ZFPM1: variants seen among roughly 807,000 people sequenced by gnomAD.
The protein encoded by ZFPM1 is zinc finger protein, FOG family member 1.
In ZFPM1, 28 loss-of-function variants were observed where a neutral mutation model predicts 46.3. The observed-to-expected ratio is 0.60, with a 90% CI of 0.45 to 0.83. The LOEUF is 0.83. Ranked by LOEUF, ZFPM1 falls within the 40% of genes least tolerant of loss-of-function variation. The pLI, the probability that ZFPM1 is intolerant of heterozygous loss-of-function variation, is 0.00. For missense variants in ZFPM1, 1,878 were observed against 1,432.4 expected (o/e 1.31, Z -5.02); for synonymous variants, 957 against 675.9 (o/e 1.42, Z -6.45).
At chr16:88,479,259 G>A (rs1908819004) in intron 1 of ZFPM1, among the ~76,000 whole-genome samples, 1 of 152,172 alleles carries the variant, frequency 6.6e-6, no homozygotes, top group Non-Finnish European at 1.5e-5. Flanking sequence ...GCGGGGCTGG[G>A]CTGCTGCTAC....
At chr16:88,520,192 GTGGGTAGA>G (rs200435047) in intron 4 of ZFPM1, among the ~76,000 whole-genome samples, 2,766 of 148,256 alleles carry the variant, frequency 0.019, 26 homozygotes, top group Non-Finnish European at 0.029. Flanking sequence ...GGGTGGATGG[GTGGGTAGA>G]TGGGTAGATG....
chr16:88,478,540 C>T (rs1197642702), intron 1 of ZFPM1, among the ~76,000 whole-genome samples: 1 of 152,278 alleles, frequency 6.6e-6, no homozygotes, highest in Non-Finnish European at 1.5e-5. Context: ...CGTCCTGCCT[C>T]CCGCAGGGCT....
At chr16:88,512,798 C>G (rs530674910) in intron 3 of ZFPM1, among the ~76,000 whole-genome samples, 3 of 152,102 alleles carry the variant, frequency 2.0e-5, no homozygotes. Flanking sequence ...TGCCCACCCC[C>G]GAGGCCTGGC....
chr16:88,511,491 C>T (rs1035069044), intron 3 of ZFPM1, among the ~76,000 whole-genome samples: 1 of 142,280 alleles, frequency 7.0e-6, no homozygotes, highest in Admixed American at 6.7e-5. Flanking sequence ...CTGCCCATTC[C>T]CACCCAGCTC....
chr16:88,474,079 C>G (rs1026748005), intron 1 of ZFPM1, among the ~76,000 whole-genome samples: 2 of 152,228 alleles, frequency 1.3e-5, no homozygotes, highest in African/African-American at 4.8e-5. Flanking sequence ...GTTGAGTAAG[C>G]GCAGGCCGCA....
At chr16:88,488,383 AAC>A (rs1215781319) in intron 2 of ZFPM1, among the ~76,000 whole-genome samples, 7 of 152,236 alleles carry the variant, frequency 4.6e-5, no homozygotes, top group Non-Finnish European at 1.0e-4. Flanking sequence ...TGGGCGCGAT[AAC>A]ACAGCAGCGC....
chr16:88,502,248 C>T (rs1910403986), intron 3 of ZFPM1, among the ~76,000 whole-genome samples: 1 of 152,112 alleles, frequency 6.6e-6, no homozygotes, highest in Non-Finnish European at 1.5e-5. Context: ...CTGGTCATAT[C>T]CTGCCCGAAA....
intron 3 of ZFPM1, among the ~76,000 whole-genome samples, chr16:88,492,590 TCA>T (rs1909640318): frequency 6.6e-6 from 1 of 152,228 alleles, no homozygotes; most frequent in Non-Finnish European, 1.5e-5. Flanking sequence ...GGACCCGGAC[TCA>T]CAGGTATCCT....
At chr16:88,525,114 C>T (rs1214599579) in intron 4 of ZFPM1, among the ~76,000 whole-genome samples, 2 of 152,262 alleles carry the variant, frequency 1.3e-5, no homozygotes, top group Admixed American at 6.5e-5. Context: ...TTCCTGAGTG[C>T]CCTGCGGATG....
At chr16:88,516,518 T>C (rs1337985679) in intron 4 of ZFPM1, 2 of 398,516 alleles carry the variant, frequency 5.0e-6, no homozygotes, top group East Asian at 7.1e-5. Flanking sequence ...CTGCTTTATC[T>C]CCTGCAGAAT....
chr16:88,518,144 G>T (rs1277143167), intron 4 of ZFPM1, among the ~76,000 whole-genome samples: 1 of 152,040 alleles, frequency 6.6e-6, no homozygotes, highest in Non-Finnish European at 1.5e-5. Context: ...GGCGGAGCTT[G>T]CGGTAAGCCA....
At chr16:88,521,066 G>C (rs1472489826) in intron 4 of ZFPM1, among the ~76,000 whole-genome samples, 2 of 108,768 alleles carry the variant, frequency 1.8e-5, no homozygotes, top group African/African-American at 5.5e-5. Context: ...TGGGAGGGTG[G>C]GTGGGTGGAT....
intron 3 of ZFPM1, among the ~76,000 whole-genome samples, chr16:88,498,248 C>A (rs1005807760): frequency 6.6e-6 from 1 of 152,180 alleles, no homozygotes; most frequent in Non-Finnish European, 1.5e-5. Flanking sequence ...AGAGGGGGCC[C>A]TGGGGAGCCC....
chr16:88,529,626 G>A (rs942561824), intron 6 of ZFPM1, among the ~76,000 whole-genome samples: 6 of 152,248 alleles, frequency 3.9e-5, no homozygotes, highest in African/African-American at 1.4e-4. Flanking sequence ...AGGGGACAGG[G>A]GACATCTCCC....
chr16:88,509,041 G>C (rs1240402432), intron 3 of ZFPM1, among the ~76,000 whole-genome samples: 1 of 152,146 alleles, frequency 6.6e-6, no homozygotes, highest in Admixed American at 6.5e-5. Context: ...GTGTGACCCT[G>C]GGGAGCCGCT....
At chr16:88,526,241 G>C (rs892338935) in intron 4 of ZFPM1, among the ~76,000 whole-genome samples, 37 of 152,326 alleles carry the variant, frequency 2.4e-4, no homozygotes, top group African/African-American at 8.2e-4. Context: ...TGGCAGGGAG[G>C]GGAGCCATGC....
In ZFPM1 at chr16:88,504,461, G is replaced by A. The variant is rs73259800; in HGVS notation, c.269-9926G>A. 3.3e-3 allele frequency among the ~76,000 whole-genome samples: 497 copies of A among 152,188 alleles called. 3 individuals are homozygous for A. Among genetic ancestry groups the A allele is most frequent in the African/African-American group, 0.011 (439 of 41,512 alleles). ...AAGACCAAGGCCCAGGACCCAGGGT[G>A]TTTAGCCTTCCAGAAGCCCAGAGAG... On this transcript the variant is annotated intron_variant, in intron 3 of 9. Coordinates refer to ENST00000319555, the MANE Select transcript of ZFPM1 (RefSeq NM_153813.3).
In ZFPM1 at chr16:88,466,260, G is replaced by A. The variant is rs537910341; in HGVS notation, c.40+12582G>A. On this transcript the variant is annotated intron_variant, in intron 1 of 9. Transcript: ENST00000319555. ...GCGGCCGTGGTTAGACAACAGCTCC[G>A]TTACCCAGCCCCGGCAGTTCTGGCA... is the stretch of plus-strand genomic sequence containing the variant. Among the ~76,000 whole-genome samples, 4 of 152,286 alleles carry A rather than the reference G, an allele frequency of 2.6e-5. No homozygotes were observed. The South Asian group carries it at 6.2e-4, about 24-fold the overall frequency.
At position 88,535,962 on chromosome 16, in the gene ZFPM1, A is replaced by G. The variant is rs1913231050; in HGVS notation, c.*983A>G. The G allele has an allele frequency of 1.3e-5, 2 of 151,916 alleles. No homozygotes were observed. Among genetic ancestry groups the G allele is most frequent in the Non-Finnish European group, 2.9e-5 (2 of 67,990 alleles). 9.4% of individuals were successfully genotyped at this position (151,916 alleles called of 1,614,324 possible). On this transcript the variant is annotated 3_prime_UTR_variant, in exon 10 of 10. Coordinates refer to ENST00000319555, the MANE Select transcript of ZFPM1 (RefSeq NM_153813.3). ...AAAACACTCTTCTATTCCCAACGTC[A>G]CTTTATTTTTTTATTTTTGGGTCTC...
Sources: gnomAD v4.1 joint callset for allele counts (sites outside exome capture counted in the v4.1 genomes callset) on GRCh38, gnomAD v4.1.1 for gene constraint, MANE v1.5 for transcripts, NCBI Gene and HGNC (gene_info 2026-07-23, HGNC 2026-07-21) for gene names.